Variants in GRID1 observed in about 807,000 individuals in gnomAD.
GRID1 encodes the protein glutamate ionotropic receptor delta type subunit 1, also known as glutamate receptor ionotropic, delta-1.
A neutral mutation model predicts 98.0 loss-of-function variants in GRID1; 28 were observed. That is an observed-to-expected ratio of 0.29 (90% confidence interval 0.21 to 0.39). The LOEUF (loss-of-function observed/expected upper bound fraction) is 0.39. Ranked by LOEUF, GRID1 falls within the 10% of genes least tolerant of loss-of-function variation. The pLI is 1.00. For missense variants in GRID1, 1,111 were observed against 1,340.5 expected (o/e 0.83, Z 2.67); for synonymous variants, 553 against 538.5 (o/e 1.03, Z -0.37).
chr10:85,814,698 C>A (rs926883902), intron 8 of GRID1, among the ~76,000 whole-genome samples: 3 of 151,814 alleles, frequency 2.0e-5, no homozygotes, highest in Admixed American at 1.3e-4. Flanking sequence ...ATAATCAATA[C>A]CTTGAAACAT....
At chr10:86,027,637 C>T (rs771857066) in intron 4 of GRID1, among the ~76,000 whole-genome samples, 8 of 152,188 alleles carry the variant, frequency 5.3e-5, no homozygotes, top group African/African-American at 1.2e-4. Context: ...ATCATCATAT[C>T]CTGCTTAGGG....
At chr10:85,906,779 C>T (rs1841467235) in intron 5 of GRID1, among the ~76,000 whole-genome samples, 1 of 151,852 alleles carries the variant, frequency 6.6e-6, no homozygotes, top group Non-Finnish European at 1.5e-5. Context: ...AAAGACAGGT[C>T]TTAAATCAAT....
chr10:86,016,177 C>T lies in GRID1; in HGVS notation c.727-99938G>A, dbSNP rs565157828. Among the ~76,000 whole-genome samples the T allele has an allele frequency of 2.1e-4, 28 of 134,344 alleles. No individual in the cohort carries two copies. In the East Asian group the frequency reaches 2.9e-3, roughly 14 times the overall value. 88.1% of individuals were successfully genotyped at this position (134,344 alleles called of 152,430 possible). A position where few individuals can be genotyped will look rare whatever the true frequency, so the allele number is the denominator to read the frequency against. On this transcript the variant is annotated intron_variant, in intron 4 of 15. Coordinates refer to ENST00000327946, the MANE Select transcript of GRID1 (RefSeq NM_017551.3). ...TTTTTTTTTTTTTGAAACAGAGTCT[C>T]GCTCTGTTGCCCAGGCTGGAGTGCA...
chr10:86,140,454 T>C (rs1277336082), intron 3 of GRID1, among the ~76,000 whole-genome samples: 2 of 152,254 alleles, frequency 1.3e-5, no homozygotes, highest in East Asian at 3.9e-4. Flanking sequence ...CCAAGTGCCA[T>C]GCAAGCTGCT....
At chr10:86,214,937 G>C (rs1314016551) in intron 2 of GRID1, among the ~76,000 whole-genome samples, 2 of 152,234 alleles carry the variant, frequency 1.3e-5, no homozygotes, top group African/African-American at 4.8e-5. Flanking sequence ...TTTCGTGGGT[G>C]AGACACAAAG....
At chr10:85,607,715 CTTGCTGAAGCTCAGGCAA>C (rs1210856480) in intron 15 of GRID1, among the ~76,000 whole-genome samples, 1 of 152,010 alleles carries the variant, frequency 6.6e-6, no homozygotes, top group East Asian at 1.9e-4. Flanking sequence ...GGTAAGGCAG[CTTGCTGAAGCTCAGGCAA>C]TTCCACAGTA....
intron 8 of GRID1, among the ~76,000 whole-genome samples, chr10:85,836,367 G>A (rs1430664322): frequency 2.6e-5 from 4 of 152,070 alleles, no homozygotes; most frequent in African/African-American, 9.7e-5. Flanking sequence ...AGAGTGGATG[G>A]AGGAAAGACA....
intron 9 of GRID1, among the ~76,000 whole-genome samples, chr10:85,728,658 C>T (rs968678059): frequency 1.3e-5 from 2 of 152,148 alleles, no homozygotes; most frequent in South Asian, 2.1e-4. Context: ...CACATGTGAG[C>T]GAGGTGGTCA....
At chr10:85,833,340 G>C (rs750091824) in intron 8 of GRID1, among the ~76,000 whole-genome samples, 5 of 152,122 alleles carry the variant, frequency 3.3e-5, no homozygotes, top group Non-Finnish European at 7.4e-5. Context: ...GAAAATCCCT[G>C]TCATACTTCT....
At chr10:85,926,319 C>T (rs997096157) in intron 4 of GRID1, among the ~76,000 whole-genome samples, 4 of 152,116 alleles carry the variant, frequency 2.6e-5, no homozygotes, top group African/African-American at 4.8e-5. Flanking sequence ...TGAGAGACCA[C>T]GGGGGGCTCT....
At chr10:85,703,848 T>C (rs1440825002) in intron 12 of GRID1, among the ~76,000 whole-genome samples, 1 of 152,160 alleles carries the variant, frequency 6.6e-6, no homozygotes, top group East Asian at 1.9e-4. Context: ...CAATTTGGCA[T>C]GTTTTTGCAG....
rs1197899332 is a variant in GRID1 at position 85,654,294 on chromosome 10, A to G, written c.1998-6897T>C. Among the ~76,000 whole-genome samples, 4 of 152,378 alleles carry G rather than the reference A, an allele frequency of 2.6e-5. No individual in the cohort carries two copies. The East Asian group carries it at 7.7e-4, about 29-fold the overall frequency. ...ACCCAAAATAAACTGCTAAAAACTCAAAGCATTTGTATATATTTACATACT... is the reference window on the plus strand; with the variant it reads ...ACCCAAAATAAACTGCTAAAAACTCGAAGCATTTGTATATATTTACATACT... On this transcript the variant is annotated intron_variant, in intron 12 of 15. Transcript: ENST00000327946.
chr10:85,700,104 T>G (rs1841435049), intron 12 of GRID1, among the ~76,000 whole-genome samples: 1 of 152,176 alleles, frequency 6.6e-6, no homozygotes, highest in Admixed American at 6.5e-5. Flanking sequence ...TCAGAGCTGT[T>G]CCTTTGACTA....
At chr10:86,170,363 T>G (rs990318327) in intron 3 of GRID1, among the ~76,000 whole-genome samples, 1 of 152,238 alleles carries the variant, frequency 6.6e-6, no homozygotes, top group Non-Finnish European at 1.5e-5. Flanking sequence ...CAAGCCTCAG[T>G]TGACTCCCCG....
At chr10:85,737,717 A>T (rs1161128152) in intron 8 of GRID1, among the ~76,000 whole-genome samples, 2 of 141,324 alleles carry the variant, frequency 1.4e-5, no homozygotes, top group East Asian at 3.9e-4. Context: ...ATACATGTTT[A>T]TATATATATA....
At chr10:85,852,927 GA>G (rs1308886351) in intron 8 of GRID1, among the ~76,000 whole-genome samples, 2 of 152,218 alleles carry the variant, frequency 1.3e-5, no homozygotes, top group East Asian at 3.9e-4. Context: ...ACAAACCTCT[GA>G]GCTCCAAAAT....
At chr10:85,638,281 A>G (rs985642943) in intron 13 of GRID1, among the ~76,000 whole-genome samples, 4 of 152,216 alleles carry the variant, frequency 2.6e-5, no homozygotes, top group African/African-American at 9.6e-5. Context: ...TTTCCCTGAA[A>G]TGATCCTTAT....
chr10:85,739,645 G>A (rs2132671267), intron 8 of GRID1, among the ~76,000 whole-genome samples: 1 of 152,096 alleles, frequency 6.6e-6, no homozygotes, highest in East Asian at 1.9e-4. Flanking sequence ...GTACTCTCAG[G>A]TGACTGTGCT....
At chr10:85,917,865 CCAG>C (rs1423008143) in intron 4 of GRID1, among the ~76,000 whole-genome samples, 1 of 152,230 alleles carries the variant, frequency 6.6e-6, no homozygotes, top group East Asian at 1.9e-4. Flanking sequence ...GGCTAAAGAG[CCAG>C]AGCTCAAAGG....
Sources: allele counts gnomAD v4.1 joint callset (sites outside exome capture counted in the v4.1 genomes callset), GRCh38; gene constraint gnomAD v4.1.1; transcripts MANE v1.5; gene names NCBI Gene and HGNC (gene_info 2026-07-23, HGNC 2026-07-21).